GAS2: variants seen among roughly 807,000 people sequenced by gnomAD.
The protein encoded by GAS2 is growth arrest specific 2.
GAS2 carries 20 observed loss-of-function variants against 37.5 expected under a neutral mutation model. That is an observed-to-expected ratio of 0.53 (90% CI 0.37 to 0.77). The LOEUF (loss-of-function observed/expected upper bound fraction) is 0.77, where lower values mean the gene tolerates loss of function less well. Among genes scored for constraint, GAS2 ranks in the 30% least tolerant of loss-of-function variants. The pLI, the probability that GAS2 is intolerant of heterozygous loss-of-function variation, is 0.00. For missense variants in GAS2, 336 were observed against 373.4 expected, an observed-to-expected ratio of 0.90 and a Z score of 0.82; for synonymous variants, 144 against 132.2, an observed-to-expected ratio of 1.09 and a Z score of -0.61.
At chr11:22,791,505 C>T (rs1230713526) in intron 7 of GAS2, among the ~76,000 whole-genome samples, 1 of 152,112 alleles carries the variant, frequency 6.6e-6, no homozygotes, top group Non-Finnish European at 1.5e-5. Flanking sequence ...TCATAATATA[C>T]AGGAAAAGAA....
At chr11:22,648,994 C>T (rs1348315190) in intron 1 of GAS2, among the ~76,000 whole-genome samples, 20 of 152,042 alleles carry the variant, frequency 1.3e-4, no homozygotes, top group Admixed American at 9.2e-4. Context: ...TGTCTTGTGC[C>T]AGTTGTCAAA....
intron 7 of GAS2, among the ~76,000 whole-genome samples, chr11:22,798,905 C>T (rs1474787656): frequency 6.6e-6 from 1 of 152,062 alleles, no homozygotes; most frequent in Non-Finnish European, 1.5e-5. Context: ...CAATTTTGAG[C>T]ATATGCCATT....
At chr11:22,775,895 A>G (rs1288724491) in intron 7 of GAS2, among the ~76,000 whole-genome samples, 1 of 152,180 alleles carries the variant, frequency 6.6e-6, no homozygotes, top group Non-Finnish European at 1.5e-5. Context: ...TCTGCCCACA[A>G]TAAGCCTTTC....
intron 3 of GAS2, among the ~76,000 whole-genome samples, chr11:22,721,616 C>A (rs1462333982): frequency 6.6e-6 from 1 of 151,992 alleles, no homozygotes; most frequent in African/African-American, 2.4e-5. Context: ...CCACATGTGG[C>A]TATTTAAATT....
chr11:22,689,563 C>T (rs998368623), intron 3 of GAS2, among the ~76,000 whole-genome samples: 2 of 152,194 alleles, frequency 1.3e-5, no homozygotes, highest in African/African-American at 2.4e-5. Flanking sequence ...TGTATATCTT[C>T]ATGGCTACTA....
Position 22,695,292 on chromosome 11 carries a change from C to T in GAS2, c.267+9503C>T, listed in dbSNP as rs557775928. 2.0e-5 allele frequency among the ~76,000 whole-genome samples: 3 copies of T among 151,940 alleles called. No homozygotes were observed. In the East Asian group the frequency reaches 5.8e-4, roughly 30 times the overall value. ...CCAAGATCACGCCACTGCACTCCAGCCTGGGTGACAGAGTGAGACTCCTTC... is the reference window on the plus strand; with the variant it reads ...CCAAGATCACGCCACTGCACTCCAGTCTGGGTGACAGAGTGAGACTCCTTC... On this transcript the variant is annotated intron_variant, in intron 3 of 7. Coordinates refer to ENST00000454584, the MANE Select transcript of GAS2 (RefSeq NM_001143830.3).
chr11:22,783,697 C>T (rs1855680081), intron 7 of GAS2, among the ~76,000 whole-genome samples: 1 of 152,138 alleles, frequency 6.6e-6, no homozygotes, highest in Non-Finnish European at 1.5e-5. Context: ...GAAATTCTTC[C>T]TTTGCCATTT....
At chr11:22,797,055 T>C (rs1264512618) in intron 7 of GAS2, among the ~76,000 whole-genome samples, 8 of 152,082 alleles carry the variant, frequency 5.3e-5, no homozygotes, top group Non-Finnish European at 1.0e-4. Flanking sequence ...TATTATGACT[T>C]TGTCTTCTCT....
At chr11:22,709,401 A>G (rs1044952866) in intron 3 of GAS2, among the ~76,000 whole-genome samples, 2 of 152,218 alleles carry the variant, frequency 1.3e-5, no homozygotes, top group Non-Finnish European at 2.9e-5. Flanking sequence ...TGTATTTGAA[A>G]AAAAATTAAA....
chr11:22,730,724 A>G (rs1218130355), intron 4 of GAS2, among the ~76,000 whole-genome samples: 1 of 151,814 alleles, frequency 6.6e-6, no homozygotes, highest in Non-Finnish European at 1.5e-5. Context: ...ATAGACCCCA[A>G]TAATTATTTT....
chr11:22,717,146 A>T (rs1218313030), intron 3 of GAS2, among the ~76,000 whole-genome samples: 1 of 152,080 alleles, frequency 6.6e-6, no homozygotes, highest in Non-Finnish European at 1.5e-5. Context: ...AGGAAAAAAA[A>T]ATCCTAAAAT....
intron 7 of GAS2, among the ~76,000 whole-genome samples, chr11:22,769,538 T>C (rs1052385592): frequency 5.3e-5 from 8 of 152,182 alleles, no homozygotes; most frequent in South Asian, 4.1e-4. Flanking sequence ...AAAGTGAAGA[T>C]GAAATATTCT....
At chr11:22,693,804 TAA>T (rs769203090) in intron 3 of GAS2, among the ~76,000 whole-genome samples, 8 of 152,196 alleles carry the variant, frequency 5.3e-5, no homozygotes, top group Non-Finnish European at 7.3e-5. Context: ...AAGCTTTATA[TAA>T]AGACTTGAGA....
chr11:22,781,272 G>T (rs558680304), intron 7 of GAS2, among the ~76,000 whole-genome samples: 3 of 152,068 alleles, frequency 2.0e-5, no homozygotes, highest in Non-Finnish European at 4.4e-5. Context: ...CTGAGGTGGG[G>T]ATGGGGGGTC....
At chr11:22,668,425 A>G (rs1239121107) in intron 1 of GAS2, 3 of 152,282 alleles carry the variant, frequency 2.0e-5, no homozygotes, top group Non-Finnish European at 2.9e-5. Context: ...GGTCCCTTAC[A>G]TGGAAAAGGT....
chr11:22,644,057 A>G (rs1848660618), intron 1 of GAS2, among the ~76,000 whole-genome samples: 1 of 152,220 alleles, frequency 6.6e-6, no homozygotes, highest in Non-Finnish European at 1.5e-5. Flanking sequence ...AGCAAAGAAA[A>G]ATATGCATGT....
chr11:22,743,723 A>T (rs1311548515), intron 5 of GAS2, among the ~76,000 whole-genome samples: 1 of 152,010 alleles, frequency 6.6e-6, no homozygotes, highest in African/African-American at 2.4e-5. Context: ...TTTTAGAAGT[A>T]GGTTATAAAG....
chr11:22,639,824 A>C (rs1248509214), intron 1 of GAS2, among the ~76,000 whole-genome samples: 1 of 152,134 alleles, frequency 6.6e-6, no homozygotes. Flanking sequence ...TGAGCATTCT[A>C]CTTAGTGTAC....
chr11:22,650,097 C>A (rs565407435), intron 1 of GAS2, among the ~76,000 whole-genome samples: 59 of 151,978 alleles, frequency 3.9e-4, no homozygotes, highest in Admixed American at 3.7e-3. Flanking sequence ...GAATGGGTCC[C>A]AGAGATTCTG....
Sources: allele counts gnomAD v4.1 joint callset (sites outside exome capture counted in the v4.1 genomes callset), GRCh38; gene constraint gnomAD v4.1.1; transcripts MANE v1.5; gene names NCBI Gene and HGNC (gene_info 2026-07-23, HGNC 2026-07-21).